The following DAB1 variants were observed in gnomAD, a reference collection of about 807,000 sequenced individuals.
DAB1 encodes DAB adaptor protein 1, also known as disabled homolog 1.
Under a neutral mutation model 64.6 loss-of-function variants are expected in DAB1, and 15 were observed. The ratio of observed to expected loss-of-function variants is 0.23; its 90% CI spans 0.16 to 0.36. The LOEUF is 0.36. Among genes scored for constraint, DAB1 ranks in the 10% least tolerant of loss-of-function variants. The pLI is 1.00. For synonymous variants in DAB1, 235 were observed against 251.9 expected, an observed-to-expected ratio of 0.93 and a Z score of 0.64; for missense variants, 596 against 706.7, an observed-to-expected ratio of 0.84 and a Z score of 1.78.
intron 3 of DAB1, among the ~76,000 whole-genome samples, chr1:58,388,906 T>G (rs1306538977): frequency 3.9e-5 from 6 of 152,218 alleles, no homozygotes; most frequent in Non-Finnish European, 5.9e-5. Context: ...ACTAGCTGTG[T>G]AATCTTAAAT....
intron 4 of DAB1, among the ~76,000 whole-genome samples, chr1:58,288,911 T>C (rs537631712): frequency 6.6e-6 from 1 of 152,320 alleles, no homozygotes; most frequent in South Asian, 2.1e-4. Context: ...CAGGCTTATG[T>C]AGCCTTAGTT....
At chr1:58,465,568 A>G (rs1354113589) in intron 3 of DAB1, among the ~76,000 whole-genome samples, 1 of 152,176 alleles carries the variant, frequency 6.6e-6, no homozygotes, top group East Asian at 1.9e-4. Context: ...TCGTGGAAAG[A>G]TGGTGAAGGA....
At chr1:58,085,325 C>A (rs1650236727) in intron 5 of DAB1, among the ~76,000 whole-genome samples, 1 of 152,092 alleles carries the variant, frequency 6.6e-6, no homozygotes, top group Non-Finnish European at 1.5e-5. Flanking sequence ...TCCATATAAT[C>A]TTGATATTTT....
intron 6 of DAB1, among the ~76,000 whole-genome samples, chr1:57,814,138 A>G (rs1651750506): frequency 6.6e-6 from 1 of 152,210 alleles, no homozygotes; most frequent in Non-Finnish European, 1.5e-5. Context: ...GAACTGTTAG[A>G]AAAATTGGAG....
chr1:58,251,710 A>T (rs1026257887), intron 4 of DAB1, among the ~76,000 whole-genome samples: 1 of 152,210 alleles, frequency 6.6e-6, no homozygotes, highest in Non-Finnish European at 1.5e-5. Flanking sequence ...ATGGGTAAAG[A>T]TCAGTAAGGG....
intron 6 of DAB1, among the ~76,000 whole-genome samples, chr1:57,794,104 A>G (rs1008021425): frequency 1.7e-4 from 26 of 152,114 alleles, no homozygotes; most frequent in Non-Finnish European, 3.8e-4. Context: ...TAATCCTGCT[A>G]CCATGTTCCA....
rs1659868596 is a variant in DAB1 at position 57,153,247 on chromosome 1, A to G, written c.68-7818T>C. On this transcript the variant is annotated intron_variant, in intron 2 of 14. Transcript: ENST00000371236. Reference sequence around the variant, plus strand: ...CACCATGTTGGCCAGGCTGGTCTCGAACTCTTGGCTTCAAGTGATCTGCCT... The same window carrying G: ...CACCATGTTGGCCAGGCTGGTCTCGGACTCTTGGCTTCAAGTGATCTGCCT... Among the ~76,000 whole-genome samples, 11 of 152,232 alleles carry G rather than the reference A, an allele frequency of 7.2e-5. No individual in the cohort carries two copies. In the South Asian group the frequency reaches 2.3e-3, roughly 32 times the overall value.
intron 3 of DAB1, among the ~76,000 whole-genome samples, chr1:58,455,400 G>A (rs1328447501): frequency 2.0e-5 from 3 of 152,326 alleles, no homozygotes; most frequent in Admixed American, 6.5e-5. Context: ...GGCCCACCCC[G>A]CGGACAGGCG....
At chr1:58,341,548 T>A (rs771748262) in intron 4 of DAB1, among the ~76,000 whole-genome samples, 4 of 152,200 alleles carry the variant, frequency 2.6e-5, no homozygotes, top group African/African-American at 4.8e-5. Flanking sequence ...GTAGATCGTA[T>A]CTGCAGTTTA....
intron 9 of DAB1, among the ~76,000 whole-genome samples, chr1:57,042,457 A>G (rs1446336720): frequency 6.6e-6 from 1 of 152,116 alleles, no homozygotes; most frequent in Non-Finnish European, 1.5e-5. Flanking sequence ...CAGCTCTTCA[A>G]AACCTCCATG....
intron 7 of DAB1, among the ~76,000 whole-genome samples, chr1:57,470,955 A>C (rs1687114080): frequency 6.6e-6 from 1 of 152,246 alleles, no homozygotes; most frequent in African/African-American, 2.4e-5. Flanking sequence ...GGAGCAAGAC[A>C]ATAATTAAAC....
chr1:58,016,941 G>A (rs1043205841), intron 5 of DAB1, among the ~76,000 whole-genome samples: 7 of 152,046 alleles, frequency 4.6e-5, no homozygotes, highest in South Asian at 2.1e-4. Context: ...TACAGCGAGC[G>A]CTCTGATCTT....
chr1:57,024,477 G>T (rs1480260421), intron 10 of DAB1, among the ~76,000 whole-genome samples: 2 of 152,132 alleles, frequency 1.3e-5, no homozygotes, highest in Non-Finnish European at 2.9e-5. Context: ...CCTTGGAATA[G>T]GCTGGGGCAA....
intron 4 of DAB1, among the ~76,000 whole-genome samples, chr1:58,168,661 A>T (rs965827154): frequency 1.3e-5 from 2 of 152,116 alleles, no homozygotes; most frequent in African/African-American, 4.8e-5. Flanking sequence ...TCCTCAGAGA[A>T]GTAGGCCTAA....
intron 4 of DAB1, among the ~76,000 whole-genome samples, chr1:58,152,430 T>C (rs186676636): frequency 2.0e-3 from 310 of 152,262 alleles, no homozygotes; most frequent in Admixed American, 4.1e-3. Context: ...AAAGGGAAGT[T>C]TGAAGAATGA....
intron 5 of DAB1, among the ~76,000 whole-genome samples, chr1:57,988,263 G>T (rs1646271439): frequency 2.6e-5 from 4 of 152,206 alleles, no homozygotes; most frequent in Admixed American, 2.0e-4. Flanking sequence ...GAGGCAGGCT[G>T]CCAGAGTGGA....
At chr1:57,480,131 G>A (rs1179991850) in intron 7 of DAB1, among the ~76,000 whole-genome samples, 4 of 143,632 alleles carry the variant, frequency 2.8e-5, no homozygotes, top group African/African-American at 1.1e-4. Context: ...CAGCCTGGGC[G>A]ACAGAGCGAA....
intron 1 of DAB1, chr1:57,874,343 G>A (rs1342286492): frequency 2.0e-5 from 3 of 152,156 alleles, no homozygotes; most frequent in Non-Finnish European, 4.4e-5. Flanking sequence ...TTCCTGGCAG[G>A]GTGAGGCAGG....
intron 4 of DAB1, among the ~76,000 whole-genome samples, chr1:58,294,865 C>T (rs1054192538): frequency 8.0e-5 from 11 of 137,634 alleles, no homozygotes; most frequent in Non-Finnish European, 1.6e-4. Flanking sequence ...TGGTCCAGAA[C>T]GTGTGTGTGT....
Sources: gnomAD v4.1 joint callset for allele counts (sites outside exome capture counted in the v4.1 genomes callset) on GRCh38, gnomAD v4.1.1 for gene constraint, MANE v1.5 for transcripts, NCBI Gene and HGNC (gene_info 2026-07-23, HGNC 2026-07-21) for gene names.